Variants in SLC19A1 observed in about 807,000 individuals in gnomAD.
SLC19A1 encodes the protein solute carrier family 19 member 1.
SLC19A1 carries 37 observed loss-of-function variants against 35.3 expected under a neutral mutation model. The observed-to-expected ratio is 1.05, with a 90% confidence interval of 0.81 to 1.38. The LOEUF (loss-of-function observed/expected upper bound fraction) is 1.38, where lower values mean the gene tolerates loss of function less well. Among genes scored for constraint, SLC19A1 ranks in the 40% most tolerant of loss-of-function variants. SLC19A1 has a pLI of 0.00. For missense variants in SLC19A1, 831 were observed against 826.9 expected, an observed-to-expected ratio of 1.00 and a Z score of -0.06; for synonymous variants, 460 against 398.5, an observed-to-expected ratio of 1.15 and a Z score of -1.84.
In SLC19A1 at chr21:45,540,795, A is replaced by G. The variant is rs1357119932; in HGVS notation, c.-50+1573T>C. ...GGAGGGCCACGGGGAAGCAGAGAGAATCCCTGCCTTCAGGAGAAGGTTGTA... is the reference window on the plus strand; with the variant it reads ...GGAGGGCCACGGGGAAGCAGAGAGAGTCCCTGCCTTCAGGAGAAGGTTGTA... On this transcript the variant is annotated intron_variant, in intron 1 of 5. Transcript: ENST00000311124. The surrounding 1 kb of genome is among the most constrained non-coding windows in gnomAD (Gnocchi z 5.5). Among the ~76,000 whole-genome samples the G allele has an allele frequency of 1.3e-5, 2 of 152,128 alleles. No homozygotes were observed. Among genetic ancestry groups the G allele is most frequent in the Non-Finnish European group, 2.9e-5 (2 of 68,022 alleles).
chr21:45,538,029 A>G, intron 1 of SLC19A1, 21 bp from the exon 2 acceptor site: 1 of 1,340,168 alleles, frequency 7.5e-7, no homozygotes, highest in Non-Finnish European at 9.9e-7. Context: ...GGGTGGAGTC[A>G]GGGCACCTTG....
chr21:45,512,709 G>C lies in SLC19A1; in HGVS notation c.*2949C>G. 1 of 441,530 alleles carries C rather than the reference G, an allele frequency of 2.3e-6. No individual in the cohort carries two copies. Among genetic ancestry groups the C allele is most frequent in the Non-Finnish European group, 4.2e-6 (1 of 239,116 alleles). 27.4% of individuals were successfully genotyped at this position (441,530 alleles called of 1,614,324 possible). The stretch of plus-strand genomic sequence containing the variant: ...TCTTGGCCTGATCAGACCACGGCTC[G>C]ATTTCTCCAGGATTTCCTGCTTTGG... On this transcript the variant is annotated 3_prime_UTR_variant, in exon 6 of 6. Transcript: ENST00000311124.
chr21:45,527,472 G>A (rs2077676520), intron 4 of SLC19A1, among the ~76,000 whole-genome samples: 1 of 147,460 alleles, frequency 6.8e-6, no homozygotes, highest in African/African-American at 2.5e-5. Flanking sequence ...GCGGGCCCTG[G>A]AGGTGAGTGG....
chr21:45,509,727 C>A (rs1602649287), downstream of SLC19A1: 9 of 710,218 alleles, frequency 1.3e-5, no homozygotes, highest in East Asian at 2.4e-4. Flanking sequence ...GGTCTGGCGG[C>A]TCAGGGCCAC....
At chr21:45,521,384 GGAAA>G (rs2077434181) in intron 5 of SLC19A1, among the ~76,000 whole-genome samples, 1 of 152,116 alleles carries the variant, frequency 6.6e-6, no homozygotes, top group African/African-American at 2.4e-5. Context: ...CTAAATAAAT[GGAAA>G]GATATACCAT....
intron 1 of SLC19A1, among the ~76,000 whole-genome samples, chr21:45,561,061 C>T (rs1487075258): frequency 6.6e-6 from 1 of 152,212 alleles, no homozygotes; most frequent in African/African-American, 2.4e-5. Flanking sequence ...AAGCCTAATC[C>T]ACTTTCCCTG....
At chr21:45,536,224 TC>T (rs1246512681) in intron 2 of SLC19A1, 2 of 156,104 alleles carry the variant, frequency 1.3e-5, no homozygotes, top group African/African-American at 4.8e-5. Context: ...TACTTTTTAA[TC>T]CGTTAATGTA....
upstream of SLC19A1, among the ~76,000 whole-genome samples, chr21:45,548,692 C>T (rs111756698): frequency 0.018 from 2,698 of 151,984 alleles, 84 homozygotes; most frequent in African/African-American, 0.062. Context: ...TGCAATGAGC[C>T]GAGAGCTCAC....
rs533112811 is a variant in SLC19A1 at position 45,540,352 on chromosome 21, C to T, written c.-50+2016G>A. Among the ~76,000 whole-genome samples the T allele has an allele frequency of 1.5e-3, 233 of 152,280 alleles. 2 individuals carry two copies. The highest frequency in any genetic ancestry group is 5.4e-3 in the African/African-American group (223 of 41,550). ...GGAGCTGAACTAAGCCCAGGGTCTG[C>T]GCCCACAGTCCATGGCCGCAGGAGT... On this transcript the variant is annotated intron_variant, in intron 1 of 5. Transcript: ENST00000311124. The surrounding 1 kb of genome is among the most constrained non-coding windows in gnomAD (Gnocchi z 5.5).
chr21:45,532,221 G>C, intron 2 of SLC19A1, 73 bp from the exon 3 acceptor site: 1 of 1,304,942 alleles, frequency 7.7e-7, no homozygotes, highest in East Asian at 2.3e-5. Flanking sequence ...GCCCGCCCGA[G>C]GTGATGGCTG....
At chr21:45,509,716 G>A (rs1275130323), downstream of SLC19A1, 1 of 745,322 alleles carries the variant, frequency 1.3e-6, no homozygotes, top group African/African-American at 1.7e-5. Context: ...CCATGGGTGG[G>A]GGTCTGGCGG....
chr21:45,537,883 C>T lies in SLC19A1; in HGVS notation c.77G>A (p.Arg26Gln), dbSNP rs571709945. The T allele has an allele frequency of 1.8e-5, 29 of 1,601,292 alleles. No individual in the cohort carries two copies. The highest frequency in any genetic ancestry group is 1.7e-4 in the African/African-American group (13 of 74,958). ...PGPDPELRSW[R>Q]HLVCYLCFYG... ...GAAGCAAAGGTAGCACACGAGGTGC[C>T]GCCAGGACCGGAGCTCGGGGTCAGG... The change falls in exon 2 of 6, where the codon CGG becomes CAG. Residue 26 changes from arginine to glutamine, a missense_variant. Coordinates refer to ENST00000311124, the MANE Select transcript of SLC19A1 (RefSeq NM_194255.4).
intron 1 of SLC19A1, among the ~76,000 whole-genome samples, chr21:45,538,590 G>T (rs938425808): frequency 6.6e-6 from 1 of 152,244 alleles, no homozygotes; most frequent in African/African-American, 2.4e-5. Context: ...GCCCTGGCAG[G>T]AGGGCGTGCA....
At chr21:45,526,849 G>T (rs1044117709) in intron 4 of SLC19A1, among the ~76,000 whole-genome samples, 1 of 152,268 alleles carries the variant, frequency 6.6e-6, no homozygotes, top group Non-Finnish European at 1.5e-5. Context: ...TGGGATCACA[G>T]GTGTGAGCCA....
rs115960394 is a variant in SLC19A1 at position 45,539,041 on chromosome 21, G to A, written c.-49-1033C>T. Among the ~76,000 whole-genome samples the A allele has an allele frequency of 9.2e-3, 1,394 of 152,324 alleles. 14 individuals carry two copies. Among genetic ancestry groups the A allele is most frequent in the African/African-American group, 0.032 (1,310 of 41,574 alleles). On this transcript the variant is annotated intron_variant, in intron 1 of 5. Transcript: ENST00000311124. Reference sequence around the variant, plus strand: ...ACCACAAATCGTGCCTTTCAGCTGCGGGGCAAAAGCCTGTCCACTTATCAG... The same window carrying A: ...ACCACAAATCGTGCCTTTCAGCTGCAGGGCAAAAGCCTGTCCACTTATCAG...
At chr21:45,544,211 C>T (rs983471326), upstream of SLC19A1, 5 of 152,352 alleles carry the variant, frequency 3.3e-5, no homozygotes, top group African/African-American at 7.2e-5. Flanking sequence ...GCCCTCGGGT[C>T]CCCCTGCGTG....
At chr21:45,505,871 G>A (rs765061286) in intron 3 of SLC19A1, 27 of 1,610,984 alleles carry the variant, frequency 1.7e-5, no homozygotes, top group Non-Finnish European at 8.5e-7. Flanking sequence ...GGCCATGCTG[G>A]GCCAGGTGCA....
At chr21:45,545,372 AC>A (rs796220127), upstream of SLC19A1, among the ~76,000 whole-genome samples, 5 of 146,010 alleles carry the variant, frequency 3.4e-5, no homozygotes, top group African/African-American at 1.0e-4. Flanking sequence ...AGAGTCCGGG[AC>A]CCCCCCCTTG....
In SLC19A1 at chr21:45,530,343, G is replaced by C. The variant is rs568490354; in HGVS notation, c.1151+427C>G. On this transcript the variant is annotated intron_variant, in intron 4 of 5. Transcript: ENST00000311124. This position sits in a 1 kb window ranked among gnomAD's most constrained non-coding sequence, Gnocchi z 5.3. ...GTGTGTGGTGAGTGTCCATCTGTGC[G>C]CATGTGGTGTGTTCATGAGTGTGTG... Among the ~76,000 whole-genome samples the C allele has an allele frequency of 3.9e-4, 39 of 100,144 alleles. No individual in the cohort carries two copies. The highest frequency in any genetic ancestry group is 7.2e-4 in the Admixed American group (7 of 9,726). The allele number at this position is 100,144 out of a possible 152,430, so 65.7% of individuals were successfully genotyped here. A position where few individuals can be genotyped will look rare whatever the true frequency, so the allele number is the denominator to read the frequency against.
Sources: gnomAD v4.1 joint callset for allele counts (sites outside exome capture counted in the v4.1 genomes callset) on GRCh38, gnomAD v4.1.1 for gene constraint, Gnocchi (gnomAD v3.1) non-coding constraint, MANE v1.5 for transcripts, NCBI Gene and HGNC (gene_info 2026-07-23, HGNC 2026-07-21) for gene names.